Variants in TENM4 observed in about 807,000 individuals in gnomAD.
The protein encoded by TENM4 is teneurin transmembrane protein 4.
In TENM4, 82 loss-of-function variants were observed where a neutral mutation model predicts 243.3. The ratio of observed to expected loss-of-function variants is 0.34; its 90% confidence interval spans 0.28 to 0.40. TENM4 has a LOEUF of 0.40. Among genes scored for constraint, TENM4 ranks in the 10% least tolerant of loss-of-function variants. The pLI, the probability that TENM4 is intolerant of heterozygous loss-of-function variation, is 1.00. For synonymous variants in TENM4, 1,412 were observed against 1,456.3 expected (o/e 0.97, Z 0.69); for missense variants, 3,138 against 3,673.3 (o/e 0.85, Z 3.77).
intron 1 of TENM4, among the ~76,000 whole-genome samples, chr11:79,420,525 A>C (rs1345206212): frequency 6.6e-6 from 1 of 152,172 alleles, no homozygotes; most frequent in African/African-American, 2.4e-5. Context: ...AAGAAAACTC[A>C]TATTAGAAGT....
intron 16 of TENM4, among the ~76,000 whole-genome samples, chr11:78,782,134 A>G (rs764310022): frequency 1.3e-5 from 2 of 152,242 alleles, no homozygotes; most frequent in African/African-American, 4.8e-5. Flanking sequence ...TTTTCTGATT[A>G]TGAAAAAGAA....
At chr11:78,801,768 G>A (rs1030203933) in intron 15 of TENM4, among the ~76,000 whole-genome samples, 3 of 152,142 alleles carry the variant, frequency 2.0e-5, no homozygotes, top group Non-Finnish European at 2.9e-5. Flanking sequence ...ATGGTGCAAG[G>A]ATCACTTGGG....
chr11:78,825,914 CTT>C, intron 12 of TENM4, among the ~76,000 whole-genome samples: 1 of 152,182 alleles, frequency 6.6e-6, no homozygotes, highest in African/African-American at 2.4e-5. Flanking sequence ...ATGAGCATCA[CTT>C]TGTGTTGAAT....
At chr11:79,127,738 G>A (rs1353411816) in intron 4 of TENM4, among the ~76,000 whole-genome samples, 3 of 152,216 alleles carry the variant, frequency 2.0e-5, no homozygotes, top group Non-Finnish European at 4.4e-5. Context: ...CAAGAAGTAG[G>A]AAACATGCTG....
intron 30 of TENM4, among the ~76,000 whole-genome samples, chr11:78,673,502 G>C (rs551646167): frequency 1.3e-5 from 2 of 152,266 alleles, no homozygotes; most frequent in Admixed American, 1.3e-4. Context: ...CTGGATCCCT[G>C]TGTGGTTAAA....
At chr11:79,389,938 G>A (rs1051417404) in intron 1 of TENM4, among the ~76,000 whole-genome samples, 9 of 152,162 alleles carry the variant, frequency 5.9e-5, no homozygotes, top group African/African-American at 1.4e-4. Context: ...TCCAGAAAAC[G>A]TTTGCTGACT....
rs569117921 is a variant in TENM4, at chr11:78,800,205, A to G, written c.2179+5087T>C. On this transcript the variant is annotated intron_variant, in intron 15 of 33. Transcript: ENST00000278550. ...AAGAGGGTGAAAAGCCAACTAAAGC[A>G]CAAGGAAGGGGAGATGGGAGGAGTT... Among the ~76,000 whole-genome samples the G allele has an allele frequency of 2.6e-5, 4 of 152,304 alleles. No homozygotes were observed. The South Asian group carries it at 8.3e-4, about 32-fold the overall frequency.
intron 3 of TENM4, among the ~76,000 whole-genome samples, chr11:79,169,868 G>T (rs1863000119): frequency 6.6e-6 from 1 of 152,164 alleles, no homozygotes; most frequent in Admixed American, 6.5e-5. Flanking sequence ...TTCCTTTTTT[G>T]TGGATAGAGT....
chr11:79,035,804 C>A (rs1401755359), intron 6 of TENM4, among the ~76,000 whole-genome samples: 1 of 152,152 alleles, frequency 6.6e-6, no homozygotes, highest in Non-Finnish European at 1.5e-5. Context: ...TCCAACAATA[C>A]AGAACAAGCT....
rs956812573 is a variant in TENM4 at position 78,890,832 on chromosome 11, G to A, written c.848+406C>T. ...CCATGGGAGGACTTGCACACAGCCT[G>A]GGAAATGGAGTGTGCTGGTTGCACT... On this transcript the variant is annotated intron_variant, in intron 8 of 33. Coordinates refer to ENST00000278550, the MANE Select transcript of TENM4 (RefSeq NM_001098816.3). Among the ~76,000 whole-genome samples, 18 of 152,324 alleles carry A rather than the reference G, an allele frequency of 1.2e-4. No individual in the cohort carries two copies. The East Asian group carries it at 2.5e-3, about 21-fold the overall frequency.
chr11:79,241,271 G>T (rs1223733341), intron 2 of TENM4, among the ~76,000 whole-genome samples: 5 of 152,078 alleles, frequency 3.3e-5, no homozygotes, highest in African/African-American at 9.7e-5. Context: ...GAGGGGTTTT[G>T]TGTGTGGGAG....
intron 4 of TENM4, among the ~76,000 whole-genome samples, chr11:79,105,108 A>T (rs149436956): frequency 4.6e-5 from 7 of 152,362 alleles, no homozygotes; most frequent in African/African-American, 1.7e-4. Flanking sequence ...AATATAGCAC[A>T]GGTGTGAGCC....
chr11:79,069,386 T>C (rs1192436447), intron 5 of TENM4, among the ~76,000 whole-genome samples: 1 of 152,162 alleles, frequency 6.6e-6, no homozygotes, highest in Non-Finnish European at 1.5e-5. Context: ...TAGGGAGGCT[T>C]CTCACGGCCA....
At chr11:78,725,415 A>G (rs1446321502) in intron 23 of TENM4, among the ~76,000 whole-genome samples, 2 of 152,170 alleles carry the variant, frequency 1.3e-5, no homozygotes, top group African/African-American at 4.8e-5. Flanking sequence ...TGAGTTATCT[A>G]TAATACAGAT....
chr11:79,343,540 G>A (rs1200062162), intron 1 of TENM4, among the ~76,000 whole-genome samples: 1 of 152,080 alleles, frequency 6.6e-6, no homozygotes, highest in Non-Finnish European at 1.5e-5. Context: ...ATATAAAGCA[G>A]ATAGTAGAGT....
chr11:78,753,014 C>A (rs749999585), intron 19 of TENM4, among the ~76,000 whole-genome samples: 3 of 152,202 alleles, frequency 2.0e-5, no homozygotes, highest in South Asian at 4.1e-4. Flanking sequence ...AATCCCTAGA[C>A]ACATAGACGT....
chr11:79,268,671 C>T (rs1855920084), intron 2 of TENM4, among the ~76,000 whole-genome samples: 1 of 152,172 alleles, frequency 6.6e-6, no homozygotes, highest in Admixed American at 6.5e-5. Flanking sequence ...GTGCAAAGTT[C>T]CCAGCTGAGG....
chr11:79,309,626 G>C lies in TENM4; in HGVS notation c.-320-12083C>G, dbSNP rs145984720. On this transcript the variant is annotated intron_variant, in intron 1 of 33. Coordinates refer to ENST00000278550, the MANE Select transcript of TENM4 (RefSeq NM_001098816.3). ...TTTCCAAATATAAATACGAAGATAAGATAAGCAGGCAGAGATCCAAGTCGG... is the reference window on the plus strand; with the variant it reads ...TTTCCAAATATAAATACGAAGATAACATAAGCAGGCAGAGATCCAAGTCGG... Among the ~76,000 whole-genome samples, 535 of 152,322 alleles carry C rather than the reference G, an allele frequency of 3.5e-3. 4 individuals carry two copies. The highest frequency in any genetic ancestry group is 0.012 in the African/African-American group (488 of 41,570).
At chr11:79,287,633 G>C (rs1052346733) in intron 2 of TENM4, among the ~76,000 whole-genome samples, 1 of 152,060 alleles carries the variant, frequency 6.6e-6, no homozygotes, top group Non-Finnish European at 1.5e-5. Flanking sequence ...GCATTATAAT[G>C]GCCATTTTCA....
Sources: gnomAD v4.1 joint callset for allele counts (sites outside exome capture counted in the v4.1 genomes callset) on GRCh38, gnomAD v4.1.1 for gene constraint, MANE v1.5 for transcripts, NCBI Gene and HGNC (gene_info 2026-07-23, HGNC 2026-07-21) for gene names.